The following PPFIA2 variants were observed in gnomAD, a reference collection of about 807,000 sequenced individuals.
PPFIA2 encodes the protein liprin-alpha-2.
In PPFIA2, 46 loss-of-function variants were observed where a neutral mutation model predicts 175.5. The ratio of observed to expected loss-of-function variants is 0.26; its 90% CI spans 0.21 to 0.34. PPFIA2 has a LOEUF of 0.34. PPFIA2 is among the 10% of genes least tolerant of loss of function. The probability of loss-of-function intolerance (pLI) is 1.00; values close to 1 mark genes in which losing one functional copy is unlikely to be tolerated. For missense variants in PPFIA2, 1,179 were observed against 1,506.1 expected, an observed-to-expected ratio of 0.78 and a Z score of 3.60; for synonymous variants, 568 against 511.4, an observed-to-expected ratio of 1.11 and a Z score of -1.49.
chr12:81,492,047 T>C (rs1167823196), intron 4 of PPFIA2, among the ~76,000 whole-genome samples: 1 of 152,066 alleles, frequency 6.6e-6, no homozygotes, highest in African/African-American at 2.4e-5. Flanking sequence ...CTTTCAATTT[T>C]TATTCATAAT....
rs534373607 is a variant in PPFIA2, at chr12:81,421,206, C to T, written c.646-15303G>A. Among the ~76,000 whole-genome samples, 80 of 152,070 alleles carry T rather than the reference C, an allele frequency of 5.3e-4. 1 individual carries two copies. Among genetic ancestry groups the T allele is most frequent in the African/African-American group, 1.8e-3 (76 of 41,494 alleles). ...ATTTTAACAAAAACATGCTGAGTAG[C>T]AACATGAAAGCATGTAAGAGTATAA... On this transcript the variant is annotated intron_variant, in intron 7 of 32. Coordinates refer to ENST00000549396, the MANE Select transcript of PPFIA2 (RefSeq NM_003625.5).
chr12:81,728,709 G>A (rs1207390020), intron 3 of PPFIA2, among the ~76,000 whole-genome samples: 2 of 151,302 alleles, frequency 1.3e-5, no homozygotes, highest in Non-Finnish European at 3.0e-5. Flanking sequence ...TTGAACAAAC[G>A]CAGAAGACAG....
chr12:81,367,373 A>G (rs2033796135), intron 13 of PPFIA2, among the ~76,000 whole-genome samples: 2 of 151,634 alleles, frequency 1.3e-5, no homozygotes, highest in South Asian at 2.1e-4. Flanking sequence ...TTTAAATGGG[A>G]AATGCTATTT....
At chr12:81,402,330 T>C (rs1468685027) in intron 8 of PPFIA2, among the ~76,000 whole-genome samples, 1 of 149,542 alleles carries the variant, frequency 6.7e-6, no homozygotes, top group African/African-American at 2.5e-5. Context: ...ATATACCTTT[T>C]TAAAAGTTCT....
At chr12:81,635,735 A>G (rs1219970048) in intron 4 of PPFIA2, among the ~76,000 whole-genome samples, 2 of 152,174 alleles carry the variant, frequency 1.3e-5, no homozygotes, top group Non-Finnish European at 2.9e-5. Flanking sequence ...CCTCACAGAA[A>G]AAAAAGCCAA....
chr12:81,725,375 A>G (rs1241390870), intron 3 of PPFIA2, among the ~76,000 whole-genome samples: 1 of 150,978 alleles, frequency 6.6e-6, no homozygotes, highest in East Asian at 1.9e-4. Flanking sequence ...CATTAAAGAT[A>G]ACACTAATAA....
intron 5 of PPFIA2, among the ~76,000 whole-genome samples, chr12:81,453,660 T>G (rs2053065033): frequency 6.6e-6 from 1 of 152,108 alleles, no homozygotes; most frequent in African/African-American, 2.4e-5. Context: ...AAATTTCTAT[T>G]TTTGTATAAT....
chr12:81,379,425 T>G (rs1298097141), intron 9 of PPFIA2, among the ~76,000 whole-genome samples: 1 of 152,168 alleles, frequency 6.6e-6, no homozygotes, highest in African/African-American at 2.4e-5. Context: ...TGAGATGTAT[T>G]TAATTCATTT....
chr12:81,527,351 T>C (rs2063845375), intron 4 of PPFIA2, among the ~76,000 whole-genome samples: 1 of 140,322 alleles, frequency 7.1e-6, no homozygotes, highest in African/African-American at 2.8e-5. Flanking sequence ...TCCTACTATA[T>C]ACACCCCGGG....
intron 8 of PPFIA2, among the ~76,000 whole-genome samples, chr12:81,385,756 T>A (rs1449273405): frequency 6.6e-6 from 1 of 152,056 alleles, no homozygotes; most frequent in East Asian, 1.9e-4. Flanking sequence ...AAGAGTAAAA[T>A]AATTCAATTA....
chr12:81,670,820 C>T (rs998597295), intron 4 of PPFIA2, among the ~76,000 whole-genome samples: 1 of 151,960 alleles, frequency 6.6e-6, no homozygotes, highest in Non-Finnish European at 1.5e-5. Flanking sequence ...CTCTCTTTAA[C>T]TTGGCATTAA....
chr12:81,334,501 A>T (rs111978517), intron 21 of PPFIA2, among the ~76,000 whole-genome samples: 5,674 of 151,930 alleles, frequency 0.037, 281 homozygotes, highest in African/African-American at 0.12. Context: ...AAAAAAAAAA[A>T]AAATAAATCT....
At chr12:81,382,921 C>T (rs118185467) in intron 9 of PPFIA2, among the ~76,000 whole-genome samples, 1,539 of 151,970 alleles carry the variant, frequency 0.01, 17 homozygotes, top group Non-Finnish European at 0.016. Flanking sequence ...ACTCCAAGGT[C>T]GGGGAGGAGA....
intron 21 of PPFIA2, among the ~76,000 whole-genome samples, chr12:81,326,210 T>A (rs960040450): frequency 1.3e-5 from 2 of 152,152 alleles, no homozygotes; most frequent in Non-Finnish European, 2.9e-5. Flanking sequence ...AGAGCAAATA[T>A]CTATGCAGCG....
intron 14 of PPFIA2, among the ~76,000 whole-genome samples, chr12:81,366,233 C>T (rs1046196530): frequency 9.2e-5 from 14 of 151,452 alleles, no homozygotes; most frequent in Non-Finnish European, 1.6e-4. Context: ...CTAACAATAA[C>T]TTTAAAGGCT....
intron 24 of PPFIA2, among the ~76,000 whole-genome samples, chr12:81,286,886 T>C (rs1437472130): frequency 2.0e-5 from 3 of 152,044 alleles, no homozygotes; most frequent in Non-Finnish European, 4.4e-5. Flanking sequence ...AAATTTAGAA[T>C]ATAAAAGTCA....
At chr12:81,297,069 G>A (rs1343659) in intron 23 of PPFIA2, among the ~76,000 whole-genome samples, 60,052 of 152,048 alleles carry the variant, frequency 0.39, 12,867 homozygotes, top group Non-Finnish European at 0.49. Context: ...CAGGAGCCCT[G>A]TGGAGAGTCC....
chr12:81,443,897 C>A (rs1166009643), intron 6 of PPFIA2, among the ~76,000 whole-genome samples: 2 of 139,476 alleles, frequency 1.4e-5, no homozygotes. Flanking sequence ...CGCTGTCACC[C>A]AGGCTGGAGT....
At chr12:81,310,154 A>C (rs889583257) in intron 22 of PPFIA2, among the ~76,000 whole-genome samples, 17 of 152,108 alleles carry the variant, frequency 1.1e-4, no homozygotes, top group African/African-American at 4.1e-4. Context: ...TTCTGAAGGT[A>C]CAGACAAGTA....
Sources: allele counts gnomAD v4.1 joint callset (sites outside exome capture counted in the v4.1 genomes callset), GRCh38; gene constraint gnomAD v4.1.1; transcripts MANE v1.5; gene names NCBI Gene and HGNC (gene_info 2026-07-23, HGNC 2026-07-21).